DUSP5: variants seen among roughly 807,000 people sequenced by gnomAD.
The protein encoded by DUSP5 is dual specificity phosphatase 5.
Under a neutral mutation model 33.6 loss-of-function variants are expected in DUSP5, and 22 were observed. The observed-to-expected ratio is 0.66, with a 90% CI of 0.47 to 0.94. The LOEUF is 0.94. Among genes scored for constraint, DUSP5 ranks in the 40% least tolerant of loss-of-function variants. The pLI, the probability that DUSP5 is intolerant of heterozygous loss-of-function variation, is 0.00. For missense variants in DUSP5, 551 were observed against 522.1 expected (o/e 1.06, Z -0.54); for synonymous variants, 270 against 231.1 (o/e 1.17, Z -1.53).
intron 3 of DUSP5, among the ~76,000 whole-genome samples, chr10:110,508,683 G>A (rs1440275630): frequency 1.3e-5 from 2 of 152,256 alleles, no homozygotes; most frequent in African/African-American, 2.4e-5. Context: ...CCAGTTAAAA[G>A]CTAAACTTTG....
chr10:110,507,869 C>T (rs1860137262), intron 3 of DUSP5, among the ~76,000 whole-genome samples: 1 of 152,208 alleles, frequency 6.6e-6, no homozygotes, highest in African/African-American at 2.4e-5. Context: ...GGCATCTTCT[C>T]CTCCCCCATC....
chr10:110,508,279 G>T (rs1860143076), intron 3 of DUSP5, among the ~76,000 whole-genome samples: 1 of 152,138 alleles, frequency 6.6e-6, no homozygotes, highest in Non-Finnish European at 1.5e-5. Context: ...GATGGGTTCA[G>T]GGTGGGAAAC....
At chr10:110,500,042 A>C (rs1463421873) in intron 1 of DUSP5, among the ~76,000 whole-genome samples, 1 of 152,234 alleles carries the variant, frequency 6.6e-6, no homozygotes, top group Admixed American at 6.5e-5. Context: ...GAACAGCATG[A>C]AGGCCCTGTG....
chr10:110,506,259 A>G (rs1357248089), intron 2 of DUSP5, among the ~76,000 whole-genome samples: 1 of 152,102 alleles, frequency 6.6e-6, no homozygotes, highest in Non-Finnish European at 1.5e-5. Context: ...GCAAGAACTC[A>G]TCTCTACCAA....
At chr10:110,501,202 C>G (rs1860042890) in intron 1 of DUSP5, among the ~76,000 whole-genome samples, 1 of 152,216 alleles carries the variant, frequency 6.6e-6, no homozygotes, top group South Asian at 2.1e-4. Flanking sequence ...GCCTCATTCT[C>G]TCTTGACTGC....
At chr10:110,502,580 T>G in intron 1 of DUSP5, 141 bp from the exon 2 acceptor site, 1 of 1,007,688 alleles carries the variant, frequency 9.9e-7, no homozygotes, top group Non-Finnish European at 1.4e-6. Context: ...TTTTGCTCAA[T>G]TTTTAATGAC....
chr10:110,508,383 C>T (rs567082833), intron 3 of DUSP5, among the ~76,000 whole-genome samples: 13 of 152,276 alleles, frequency 8.5e-5, no homozygotes, highest in Middle Eastern at 3.4e-3. Context: ...TCATGAAACA[C>T]GCCCCCATCC....
At chr10:110,502,656 G>A in intron 1 of DUSP5, 65 bp from the exon 2 acceptor site, 2 of 1,565,500 alleles carry the variant, frequency 1.3e-6, no homozygotes, top group Non-Finnish European at 1.7e-6. Context: ...TTAACTATGG[G>A]TATTTTTGAC....
Position 110,510,206 on chromosome 10 carries a change from A to C in DUSP5, c.935A>C (p.Gln312Pro). The C allele has an allele frequency of 6.2e-7, 1 of 1,614,238 alleles. No individual in the cohort carries two copies. Among genetic ancestry groups the C allele is most frequent in the African/African-American group, 1.3e-5 (1 of 75,080 alleles). Reference protein sequence around the residue: ...PNFGFMGQLLQYESEILPSTP... With the variant: ...PNFGFMGQLLPYESEILPSTP... ...TTTGGCTTCATGGGCCAGCTCCTGC[A>C]GTACGAATCTGAGATCCTGCCCTCC... Residue 312 changes from glutamine to proline, a missense_variant, in exon 4 of 4, where the codon CAG becomes CCG. By Grantham distance (76) the Gln-to-Pro change is moderately conservative (BLOSUM62 -1). This residue lies in a region of DUSP5 where 158 missense variants were observed against 181.8 expected (regional missense o/e 0.87). Transcript: ENST00000369583.
chr10:110,503,490 A>G (rs1040531443), intron 2 of DUSP5: 1 of 152,222 alleles, frequency 6.6e-6, no homozygotes, highest in Non-Finnish European at 1.5e-5. Context: ...TCTGTAAACT[A>G]GTGAGTTTTT....
intron 1 of DUSP5, among the ~76,000 whole-genome samples, chr10:110,501,729 G>A (rs560110693): frequency 2.6e-5 from 4 of 152,162 alleles, no homozygotes; most frequent in Non-Finnish European, 5.9e-5. Context: ...CAGCAAAGGA[G>A]TTTCCCAAGC....
chr10:110,509,056 A>G (rs1214966604), intron 3 of DUSP5, among the ~76,000 whole-genome samples: 2 of 152,220 alleles, frequency 1.3e-5, no homozygotes, highest in African/African-American at 2.4e-5. Context: ...AGTGCCAGCT[A>G]CATCTAACTT....
chr10:110,502,185 GGAGT>G (rs1860059773), intron 1 of DUSP5, among the ~76,000 whole-genome samples: 2 of 152,170 alleles, frequency 1.3e-5, no homozygotes, highest in Non-Finnish European at 2.9e-5. Flanking sequence ...TAGCACCTTG[GGAGT>G]GAGAAGCAGT....
chr10:110,498,866 C>T (rs905436231), intron 1 of DUSP5, among the ~76,000 whole-genome samples: 1 of 152,084 alleles, frequency 6.6e-6, no homozygotes, highest in Admixed American at 6.5e-5. Context: ...CGGGGCCTTC[C>T]TGATAGACTG....
chr10:110,502,808 C>G lies in DUSP5; in HGVS notation c.467C>G (p.Ala156Gly), dbSNP rs780853169. The change falls in exon 2 of 4, where the codon GCC becomes GGC. Residue 156 changes from alanine (A) to glycine (G), a missense_variant. Physicochemically the swap from Ala to Gly is moderately conservative, Grantham distance 60. Around this residue, in one of 3 missense-constraint regions of DUSP5, gnomAD observed 381 missense variants for 310.4 expected, o/e 1.23. Coordinates refer to ENST00000369583, the MANE Select transcript of DUSP5 (RefSeq NM_004419.4). ...CAAGAGAAGATTGAGAGTGAGAGAG[C>G]CCTCATCAGCCAGTGTGGAAAACCA... ...ISQEKIESERALISQCGKPVV... is the reference protein window; with the variant it reads ...ISQEKIESERGLISQCGKPVV... 1 of 1,614,116 alleles carries G rather than the reference C, an allele frequency of 6.2e-7. No individual in the cohort carries two copies. Among genetic ancestry groups the G allele is most frequent in the Non-Finnish European group, 8.5e-7 (1 of 1,180,008 alleles).
intron 2 of DUSP5, among the ~76,000 whole-genome samples, chr10:110,504,341 T>C (rs1860093621): frequency 6.6e-6 from 1 of 152,220 alleles, no homozygotes; most frequent in African/African-American, 2.4e-5. Flanking sequence ...GTGTTAACTT[T>C]TGGGGTTTCT....
intron 1 of DUSP5, among the ~76,000 whole-genome samples, 168 bp downstream of exon 1, chr10:110,498,668 A>C (rs1315917598): frequency 1.3e-5 from 2 of 152,184 alleles, no homozygotes; most frequent in African/African-American, 2.4e-5. Context: ...GTCAGCACTC[A>C]GAGCTCCCCC....
intron 3 of DUSP5, among the ~76,000 whole-genome samples, chr10:110,507,879 C>T (rs991735123): frequency 5.9e-5 from 9 of 152,216 alleles, no homozygotes. Context: ...CCTCCCCCAT[C>T]CATCTTCCTA....
chr10:110,507,850 C>T (rs1860137082), intron 3 of DUSP5, among the ~76,000 whole-genome samples: 1 of 152,198 alleles, frequency 6.6e-6, no homozygotes. Flanking sequence ...CTGGATTGTT[C>T]TCCCATTTGG....
Sources: allele counts gnomAD v4.1 joint callset (sites outside exome capture counted in the v4.1 genomes callset), GRCh38; gene constraint gnomAD v4.1.1; regional missense constraint gnomAD v4.1.1; transcripts MANE v1.5; gene names NCBI Gene and HGNC (gene_info 2026-07-23, HGNC 2026-07-21).